Variants in ZBTB25 observed in about 807,000 individuals in gnomAD.
ZBTB25 encodes the protein zinc finger and BTB domain-containing protein 25.
Under a neutral mutation model 34.2 loss-of-function variants are expected in ZBTB25, and 20 were observed. The ratio of observed to expected loss-of-function variants is 0.58; its 90% CI spans 0.41 to 0.85. The LOEUF (loss-of-function observed/expected upper bound fraction) is 0.85, where lower values mean the gene tolerates loss of function less well. ZBTB25 is among the 40% of genes least tolerant of loss of function. ZBTB25 has a pLI of 0.00. For missense variants in ZBTB25, 437 were observed against 521.8 expected (o/e 0.84, Z 1.58); for synonymous variants, 175 against 186.4 (o/e 0.94, Z 0.50).
chr14:64,458,169 C>T (rs746653959), intron 2 of ZBTB25: 8 of 1,449,636 alleles, frequency 5.5e-6, no homozygotes, highest in Non-Finnish European at 5.8e-6. Context: ...GCGTGAGCCA[C>T]TGTGCCCAGC....
chr14:64,451,419 T>C (rs1300531349), intron 2 of ZBTB25, among the ~76,000 whole-genome samples: 3 of 152,240 alleles, frequency 2.0e-5, no homozygotes, highest in South Asian at 2.1e-4. Flanking sequence ...TGTTCTCTTA[T>C]TTCTCTTTGC....
At chr14:64,490,309 CTTATATAAATCA>C in intron 2 of ZBTB25, 40 bp downstream of exon 2, 4 of 1,352,652 alleles carry the variant, frequency 3.0e-6, no homozygotes, top group Non-Finnish European at 3.9e-6. Context: ...TATAATAAAG[CTTATATAAATCA>C]CAATATTAAA....
At chr14:64,449,923 G>T (rs761051514) in intron 2 of ZBTB25, among the ~76,000 whole-genome samples, 11 of 152,256 alleles carry the variant, frequency 7.2e-5, no homozygotes, top group Admixed American at 2.0e-4. Context: ...CAAGTAGCTG[G>T]GATTACAGGC....
chr14:64,465,337 A>T (rs1417316895), intron 2 of ZBTB25, among the ~76,000 whole-genome samples: 1 of 151,838 alleles, frequency 6.6e-6, no homozygotes, highest in Non-Finnish European at 1.5e-5. Flanking sequence ...TCCCCGCGGC[A>T]GGCAGGCAGG....
chr14:64,476,237 A>C (rs908760813), downstream of ZBTB25, among the ~76,000 whole-genome samples: 7 of 152,266 alleles, frequency 4.6e-5, no homozygotes, highest in African/African-American at 1.7e-4. Context: ...TATAAATTAC[A>C]ACGCAAAGGT....
rs978893180 is a variant in ZBTB25, at chr14:64,454,714, T to C, written c.174-5076A>G. 1.9e-6 allele frequency: 3 copies of C among 1,611,928 alleles called. No homozygotes were observed. Among genetic ancestry groups the C allele is most frequent in the Non-Finnish European group, 2.5e-6 (3 of 1,178,090 alleles). ...CATTTGTCCTCCCTCTCTTCCCTTC[T>C]TTCCCCAGGGCTTTGGGAATCTCCC... On this transcript the variant is annotated intron_variant, in intron 2 of 2. Coordinates refer to the ZBTB25 transcript ENST00000555220.
At chr14:64,471,246 G>A (rs576130896) in intron 2 of ZBTB25, 1 of 153,638 alleles carries the variant, frequency 6.5e-6, no homozygotes, top group South Asian at 2.1e-4. Flanking sequence ...TCCACCTCCT[G>A]GGTTCACACC....
Position 64,481,949 on chromosome 14 carries a change from A to T in ZBTB25, c.*4974T>A, listed in dbSNP as rs1019158393. ...CCCATTTTTACATCAATTACTACAA[A>T]AAATGGACATTTATCAAGTATCTGA... On this transcript the variant is annotated 3_prime_UTR_variant, in exon 3 of 3. Coordinates refer to ENST00000608382, the MANE Select transcript of ZBTB25 (RefSeq NM_006977.5). 1.3e-5 allele frequency: 2 copies of T among 152,200 alleles called. No individual in the cohort carries two copies. Among genetic ancestry groups the T allele is most frequent in the African/African-American group, 4.8e-5 (2 of 41,422 alleles). 9.4% of individuals were successfully genotyped at this position (152,200 alleles called of 1,614,324 possible).
Position 64,485,190 on chromosome 14 carries a change from A to G in ZBTB25, c.*1733T>C. The G allele has an allele frequency of 1.0e-6, 1 of 985,444 alleles. No homozygotes were observed. Among genetic ancestry groups the G allele is most frequent in the Non-Finnish European group, 1.2e-6 (1 of 829,938 alleles). The allele number at this position is 985,444 out of a possible 1,614,324, so 61.0% of individuals were successfully genotyped here. On this transcript the variant is annotated 3_prime_UTR_variant, in exon 3 of 3. Transcript: ENST00000608382. ...CCTTTGTGTCCTTAGAATTAGCTGGATTACTCTTTGAGCTCCCTCCTGATT... is the reference window on the plus strand; with the variant it reads ...CCTTTGTGTCCTTAGAATTAGCTGGGTTACTCTTTGAGCTCCCTCCTGATT...
At chr14:64,492,289 C>T (rs1449907544) in intron 1 of ZBTB25, among the ~76,000 whole-genome samples, 6 of 151,768 alleles carry the variant, frequency 4.0e-5, no homozygotes, top group African/African-American at 1.5e-4. Context: ...TTACTGCAAC[C>T]TCCGCCTCCT....
chr14:64,503,745 C>A lies in ZBTB25; in HGVS notation c.-92G>T, dbSNP rs1486968027. The A allele has an allele frequency of 1.2e-5, 4 of 342,506 alleles. No homozygotes were observed. Among genetic ancestry groups the A allele is most frequent in the Admixed American group, 1.3e-4 (2 of 15,514 alleles). 21.2% of individuals were successfully genotyped at this position (342,506 alleles called of 1,614,324 possible). ...CGCGCACTGCAAGCAGTGGCGCCGG[C>A]TCACGCACCCCTCGGCCGCCTCTCG... On this transcript the variant is annotated 5_prime_UTR_variant, in exon 1 of 3. Coordinates refer to ENST00000608382, the MANE Select transcript of ZBTB25 (RefSeq NM_006977.5).
chr14:64,480,443 C>A lies in ZBTB25; in HGVS notation c.*6480G>T. 2.9e-6 allele frequency: 1 copy of A among 349,202 alleles called. No individual in the cohort carries two copies. The highest frequency in any genetic ancestry group is 2.3e-5 in the South Asian group (1 of 44,364). The allele number at this position is 349,202 out of a possible 1,614,324, so 21.6% of individuals were successfully genotyped here. A position where few individuals can be genotyped will look rare whatever the true frequency, so the allele number is the denominator to read the frequency against. On this transcript the variant is annotated 3_prime_UTR_variant, in exon 3 of 3. Transcript: ENST00000608382. ...AGCATTTGATTAGGACGTCAATTTT[C>A]GATTAACACAGATTATGGTCGGTAA... is the stretch of plus-strand genomic sequence containing the variant.
chr14:64,485,039 GC>G lies in ZBTB25; in HGVS notation c.*1883del. The stretch of plus-strand genomic sequence containing the variant: ...ACACACATCAGTCTTAACCATAGGA[GC>G]CTTTACTCACTTGTTTAAGGCAGAA... On this transcript the variant is annotated 3_prime_UTR_variant, in exon 3 of 3. Transcript: ENST00000608382. 1.0e-6 allele frequency: 1 copy of G among 985,430 alleles called. No homozygotes were observed. The highest frequency in any genetic ancestry group is 1.2e-6 in the Non-Finnish European group (1 of 829,926). The allele number at this position is 985,430 out of a possible 1,614,324, so 61.0% of individuals were successfully genotyped here.
chr14:64,502,466 G>A (rs913934696), intron 1 of ZBTB25: 4 of 185,524 alleles, frequency 2.2e-5, no homozygotes, highest in African/African-American at 7.1e-5. Flanking sequence ...TTAACATAAG[G>A]AAGCAACCAA....
At chr14:64,488,165 C>A in intron 2 of ZBTB25, 108 bp from the exon 3 acceptor site, 1 of 1,455,040 alleles carries the variant, frequency 6.9e-7, no homozygotes, top group Non-Finnish European at 9.1e-7. Flanking sequence ...GAAGTTCGAA[C>A]CTAGCAATCT....
chr14:64,504,647 G>T (rs975045555), upstream of ZBTB25: 1 of 333,146 alleles, frequency 3.0e-6, no homozygotes, highest in Non-Finnish European at 5.4e-6. Context: ...GTGGGCGGGC[G>T]AGAGGGAGGG....
intron 2 of ZBTB25, chr14:64,469,885 A>G (rs1235130378): frequency 2.1e-6 from 1 of 471,222 alleles, no homozygotes; most frequent in African/African-American, 2.0e-5. Flanking sequence ...GGAGGAAGTC[A>G]GCACAGATTG....
intron 2 of ZBTB25, among the ~76,000 whole-genome samples, chr14:64,453,450 A>G (rs941839087): frequency 1.3e-5 from 2 of 152,072 alleles, no homozygotes; most frequent in Admixed American, 6.6e-5. Context: ...GCATGCCTAT[A>G]ATCCCAGCTA....
chr14:64,472,227 A>G (rs2078680613), intron 2 of ZBTB25: 1 of 167,110 alleles, frequency 6.0e-6, no homozygotes, highest in Non-Finnish European at 1.5e-5. Context: ...TTAAAAGTGA[A>G]CCATTTTAAA....
Sources: allele counts gnomAD v4.1 joint callset (sites outside exome capture counted in the v4.1 genomes callset), GRCh38; gene constraint gnomAD v4.1.1; transcripts MANE v1.5; gene names NCBI Gene and HGNC (gene_info 2026-07-23, HGNC 2026-07-21).